The following DPM1 variants were observed in gnomAD, a reference collection of about 807,000 sequenced individuals.
DPM1 encodes the protein dolichyl-phosphate mannosyltransferase subunit 1, catalytic, also known as dolichol-phosphate mannosyltransferase subunit 1.
Under a neutral mutation model 39.0 loss-of-function variants are expected in DPM1, and 27 were observed. The observed-to-expected ratio is 0.69, with a 90% CI of 0.51 to 0.95. DPM1 has a LOEUF of 0.95. DPM1 is among the 40% of genes least tolerant of loss of function. The pLI is 0.00. For synonymous variants in DPM1, 124 were observed against 109.0 expected (o/e 1.14, Z -0.86); for missense variants, 307 against 315.6 (o/e 0.97, Z 0.21).
intron 6 of DPM1, among the ~76,000 whole-genome samples, chr20:50,941,360 C>A (rs931383199): frequency 1.7e-5 from 2 of 116,028 alleles, no homozygotes; most frequent in Non-Finnish European, 3.4e-5. Context: ...TATTCATATA[C>A]ATATATATTC....
chr20:50,944,464 A>T (rs996459631), intron 5 of DPM1: 1 of 152,348 alleles, frequency 6.6e-6, no homozygotes, highest in Non-Finnish European at 1.5e-5. Flanking sequence ...GCATGGAAAC[A>T]GCATTTCAGG....
At position 50,941,117 on chromosome 20, in the gene DPM1, G is replaced by A. The variant is rs1313914798; in HGVS notation, c.495-184C>T. On this transcript the variant is annotated intron_variant, in intron 6 of 8. Transcript: ENST00000371588. ...AATGAAAGGAGACCTGGCTAGGCGC[G>A]GTGGCTCACACCTGTAATCCCAGGA... 35 of 675,034 alleles carry A rather than the reference G, an allele frequency of 5.2e-5. 1 individual carries two copies. The highest frequency in any genetic ancestry group is 5.0e-4 in the Middle Eastern group (2 of 3,982). 41.8% of individuals were successfully genotyped at this position (675,034 alleles called of 1,614,324 possible). A position where few individuals can be genotyped will look rare whatever the true frequency, so the allele number is the denominator to read the frequency against.
chr20:50,943,139 C>T (rs1985997611), intron 5 of DPM1, among the ~76,000 whole-genome samples: 1 of 152,078 alleles, frequency 6.6e-6, no homozygotes, highest in Admixed American at 6.5e-5. Flanking sequence ...TGCGCCACTG[C>T]ACTCCAGCCT....
chr20:50,949,037 T>G (rs1018475035), intron 2 of DPM1, among the ~76,000 whole-genome samples: 104 of 152,164 alleles, frequency 6.8e-4, no homozygotes, highest in African/African-American at 2.5e-3. Flanking sequence ...ATTTTCGTAT[T>G]TTTAGTAGAG....
chr20:50,942,369 G>A lies in DPM1; in HGVS notation c.399-243C>T, dbSNP rs182438689. On this transcript the variant is annotated intron_variant, in intron 5 of 8. Transcript: ENST00000371588. Reference sequence around the variant, plus strand: ...AAAAATATAAAAATTAGCCTGGCGCGGTGGCGGGTGCCTGTAATCCCAGCT... The same window carrying A: ...AAAAATATAAAAATTAGCCTGGCGCAGTGGCGGGTGCCTGTAATCCCAGCT... Among the ~76,000 whole-genome samples, 35 of 152,252 alleles carry A rather than the reference G, an allele frequency of 2.3e-4. No homozygotes were observed. The East Asian group carries it at 4.2e-3, about 18-fold the overall frequency.
At chr20:50,942,700 C>T (rs967480858) in intron 5 of DPM1, among the ~76,000 whole-genome samples, 11 of 152,084 alleles carry the variant, frequency 7.2e-5, no homozygotes, top group Non-Finnish European at 1.3e-4. Context: ...TCCCAATACC[C>T]TTCCATTCTG....
At chr20:50,945,788 A>T (rs751254597) in intron 4 of DPM1, 26 bp from the exon 5 acceptor site, 1 of 1,608,406 alleles carries the variant, frequency 6.2e-7, no homozygotes, top group Non-Finnish European at 8.5e-7. Flanking sequence ...AATAAACAGT[A>T]AGTCAGTAAA....
intron 2 of DPM1, among the ~76,000 whole-genome samples, chr20:50,954,692 T>C (rs917961148): frequency 1.3e-5 from 2 of 152,188 alleles, no homozygotes; most frequent in African/African-American, 2.4e-5. Context: ...CACAAGACTA[T>C]TCTATAGACT....
intron 2 of DPM1, 139 bp from the exon 3 acceptor site, chr20:50,948,801 T>C (rs1470260388): frequency 1.3e-6 from 1 of 779,916 alleles, no homozygotes; most frequent in Non-Finnish European, 2.1e-6. Context: ...GTATCCTTAA[T>C]ATTTTTTTGC....
chr20:50,954,227 T>C (rs1986719341), intron 2 of DPM1, among the ~76,000 whole-genome samples: 1 of 152,128 alleles, frequency 6.6e-6, no homozygotes, highest in Non-Finnish European at 1.5e-5. Context: ...ACAATAAAGG[T>C]TCTCAAAGGG....
At chr20:50,955,576 T>A (rs1232473571) in intron 1 of DPM1, among the ~76,000 whole-genome samples, 1 of 152,070 alleles carries the variant, frequency 6.6e-6, no homozygotes. Context: ...ATCATATGAA[T>A]TTTTTTTGTT....
chr20:50,941,780 C>T (rs752339627), intron 6 of DPM1, among the ~76,000 whole-genome samples: 64 of 152,070 alleles, frequency 4.2e-4, no homozygotes, highest in African/African-American at 1.5e-3. Context: ...AACTGAAGGT[C>T]CAGTACAGTA....
At chr20:50,953,788 G>A (rs779729155) in intron 2 of DPM1, among the ~76,000 whole-genome samples, 3 of 152,124 alleles carry the variant, frequency 2.0e-5, no homozygotes, top group Non-Finnish European at 4.4e-5. Flanking sequence ...TTGATGGTCC[G>A]AGATTAAATG....
chr20:50,943,575 G>A (rs1986049792), intron 5 of DPM1, among the ~76,000 whole-genome samples: 1 of 151,866 alleles, frequency 6.6e-6, no homozygotes, highest in South Asian at 2.1e-4. Flanking sequence ...TGGCCAGGAT[G>A]CTCTCAATCT....
rs753295960 is a variant in DPM1, at chr20:50,955,228, A to G, written c.219T>C (p.Asp73=). ...AGATCTTCTCCAACTGTTCAGCAAC[A>G]TCCCTTGTTCCATCTGGGCTTCCAT... ...IDDGSPDGTR[D]VAEQLEKIYG... The change falls in exon 2 of 9, where the codon GAT becomes GAC. Residue 73 remains aspartate, a synonymous_variant. Transcript: ENST00000371588. 6.2e-6 allele frequency: 10 copies of G among 1,613,234 alleles called. No individual in the cohort carries two copies. In the Admixed American group the frequency reaches 1.3e-4, roughly 22 times the overall value.
intron 3 of DPM1, among the ~76,000 whole-genome samples, chr20:50,948,038 T>C (rs1193096948): frequency 2.0e-5 from 3 of 152,224 alleles, no homozygotes; most frequent in Non-Finnish European, 4.4e-5. Context: ...TTCCCTACTC[T>C]GTGCTATATT....
At chr20:50,950,976 C>G (rs1030056048) in intron 2 of DPM1, among the ~76,000 whole-genome samples, 5 of 152,176 alleles carry the variant, frequency 3.3e-5, no homozygotes, top group Admixed American at 1.3e-4. Flanking sequence ...CCTGAAATCT[C>G]CAATAGTACC....
Position 50,942,086 on chromosome 20 carries a change from G to A in DPM1, c.439C>T (p.Arg147Cys), listed in dbSNP as rs1225648834. 11 of 1,613,942 alleles carry A rather than the reference G, an allele frequency of 6.8e-6. No individual in the cohort carries two copies. Among genetic ancestry groups the A allele is most frequent in the Middle Eastern group, 1.7e-4 (1 of 6,060 alleles). Residue 147 changes from arginine to cysteine, a missense_variant, in exon 6 of 9, where the codon CGC (arginine) becomes TGC (cysteine). Around this residue, in one of 3 missense-constraint regions of DPM1, gnomAD observed 206 missense variants for 188.2 expected, o/e 1.09. Coordinates refer to ENST00000371588, the MANE Select transcript of DPM1 (RefSeq NM_003859.3). ...EGNFDIVSGT[R>C]YKGNGGVYGW... The stretch of plus-strand genomic sequence containing the variant: ...TATACACCTCCATTTCCTTTGTAGC[G>A]AGTTCCAGAGACAATATCAAAATTA...
intron 2 of DPM1, among the ~76,000 whole-genome samples, chr20:50,952,200 G>C (rs1287536641): frequency 6.6e-6 from 1 of 152,158 alleles, no homozygotes; most frequent in African/African-American, 2.4e-5. Flanking sequence ...AAGAATGACA[G>C]GCATATACTT....
Sources: gnomAD v4.1 joint callset for allele counts (sites outside exome capture counted in the v4.1 genomes callset) on GRCh38, gnomAD v4.1.1 for gene constraint, gnomAD v4.1.1 regional missense constraint, MANE v1.5 for transcripts, NCBI Gene and HGNC (gene_info 2026-07-23, HGNC 2026-07-21) for gene names.